The following ANKS1A variants were observed in gnomAD, a reference collection of about 807,000 sequenced individuals.
ANKS1A encodes ankyrin repeat and sterile alpha motif domain containing 1A.
ANKS1A carries 55 observed loss-of-function variants against 120.3 expected under a neutral mutation model. The observed-to-expected ratio is 0.46, with a 90% CI of 0.37 to 0.57. ANKS1A has a LOEUF of 0.57. Ranked by LOEUF, ANKS1A falls within the 20% of genes least tolerant of loss-of-function variation. The pLI is 0.00. For synonymous variants in ANKS1A, 590 were observed against 604.7 expected (o/e 0.98, Z 0.36); for missense variants, 1,123 against 1,480.3 (o/e 0.76, Z 3.96).
chr6:34,909,496 A>G (rs187175277), intron 1 of ANKS1A, among the ~76,000 whole-genome samples: 2 of 152,364 alleles, frequency 1.3e-5, no homozygotes, highest in South Asian at 4.1e-4. Context: ...TTAAATGGTC[A>G]AGAGCTTTTA....
chr6:34,916,302 A>G (rs1378228841), intron 1 of ANKS1A, among the ~76,000 whole-genome samples: 2 of 152,142 alleles, frequency 1.3e-5, no homozygotes, highest in African/African-American at 4.8e-5. Context: ...CCATGTCTGC[A>G]TCTTACTTGT....
chr6:34,912,269 T>A (rs942827395), intron 1 of ANKS1A, among the ~76,000 whole-genome samples: 22 of 152,266 alleles, frequency 1.4e-4, no homozygotes, highest in African/African-American at 5.1e-4. Flanking sequence ...TTGTTGGTTC[T>A]CCAGCATCTG....
At chr6:35,067,382 G>C (rs1776827961) in intron 13 of ANKS1A, among the ~76,000 whole-genome samples, 1 of 152,196 alleles carries the variant, frequency 6.6e-6, no homozygotes, top group South Asian at 2.1e-4. Flanking sequence ...CCAGAAACCT[G>C]TTGTGTGTTT....
Position 35,086,396 on chromosome 6 carries a change from G to A in ANKS1A, c.3303+460G>A. 5.4e-6 allele frequency: 7 copies of A among 1,287,774 alleles called. No homozygotes were observed. Among genetic ancestry groups the A allele is most frequent in the Non-Finnish European group, 5.1e-6 (5 of 986,138 alleles). 79.8% of individuals were successfully genotyped at this position (1,287,774 alleles called of 1,614,324 possible). On this transcript the variant is annotated intron_variant, in intron 22 of 23. Transcript: ENST00000360359. The surrounding 1 kb of genome is among the most constrained non-coding windows in gnomAD (Gnocchi z 5.1). ...CTTTACGCCTCCTGCTGTCTTGTGT[G>A]TCAGTCTCCCCGAAGTGACCGTGAG...
At chr6:34,901,876 A>G (rs1266955492) in intron 1 of ANKS1A, among the ~76,000 whole-genome samples, 1 of 152,210 alleles carries the variant, frequency 6.6e-6, no homozygotes, top group Non-Finnish European at 1.5e-5. Flanking sequence ...ATGGCTACCA[A>G]AAAGACGTCT....
intron 3 of ANKS1A, among the ~76,000 whole-genome samples, chr6:34,978,139 G>A (rs1447051335): frequency 6.6e-6 from 1 of 151,894 alleles, no homozygotes; most frequent in Non-Finnish European, 1.5e-5. Context: ...TTGTATTTTT[G>A]GTGGAGACAG....
chr6:34,963,715 T>C (rs1034373474), intron 1 of ANKS1A, among the ~76,000 whole-genome samples: 10 of 152,226 alleles, frequency 6.6e-5, no homozygotes, highest in Admixed American at 4.6e-4. Flanking sequence ...TAAATGGCTG[T>C]ACTAATTTTT....
chr6:34,941,494 CT>C lies in ANKS1A; in HGVS notation c.198-25744del, dbSNP rs912393277. 2.6e-5 allele frequency among the ~76,000 whole-genome samples: 4 copies of C among 151,956 alleles called. No individual in the cohort carries two copies. The South Asian group carries it at 8.3e-4, about 32-fold the overall frequency. ...TGTTGCCTAGGCTGGTCTTGAACTC[CT>C]AGGCTCAAGCAATCCTCCCACCTCG... On this transcript the variant is annotated intron_variant, in intron 1 of 23. Coordinates refer to ENST00000360359, the MANE Select transcript of ANKS1A (RefSeq NM_015245.3).
chr6:34,917,717 C>T (rs1325599370), intron 1 of ANKS1A, among the ~76,000 whole-genome samples: 2 of 152,160 alleles, frequency 1.3e-5, no homozygotes, highest in African/African-American at 2.4e-5. Context: ...GCTCACTGGC[C>T]TCTTCTCCGG....
chr6:35,069,080 T>C (rs1307401022), intron 13 of ANKS1A, among the ~76,000 whole-genome samples: 2 of 152,130 alleles, frequency 1.3e-5, no homozygotes, highest in African/African-American at 4.8e-5. Flanking sequence ...CCCTGGGCTC[T>C]CCAGGACAGA....
intron 1 of ANKS1A, among the ~76,000 whole-genome samples, chr6:34,900,777 T>C (rs12176092): frequency 0.08 from 12,180 of 151,984 alleles, 681 homozygotes; most frequent in East Asian, 0.33. Context: ...GACTTCTTCC[T>C]TTTACCCAAG....
Position 35,089,623 on chromosome 6 carries a change from G to A in ANKS1A, c.*1014G>A, listed in dbSNP as rs1778192945. 2.0e-5 allele frequency: 20 copies of A among 986,658 alleles called. No homozygotes were observed. The highest frequency in any genetic ancestry group is 2.3e-5 in the Non-Finnish European group (19 of 830,628). The allele number at this position is 986,658 out of a possible 1,614,324, so 61.1% of individuals were successfully genotyped here. On this transcript the variant is annotated 3_prime_UTR_variant, in exon 24 of 24. Coordinates refer to ENST00000360359, the MANE Select transcript of ANKS1A (RefSeq NM_015245.3). The stretch of plus-strand genomic sequence containing the variant: ...GCTGCTGGGCCCATCCCTGGCCCCC[G>A]GTGTGGAAAAGGCTAAATAAGGTGA...
intron 10 of ANKS1A, among the ~76,000 whole-genome samples, chr6:34,997,489 C>T (rs1386684198): frequency 6.6e-6 from 1 of 152,148 alleles, no homozygotes; most frequent in East Asian, 1.9e-4. Flanking sequence ...AGGCACCAAG[C>T]CTGGCCATAT....
At chr6:34,934,482 GT>G (rs1167042017) in intron 1 of ANKS1A, among the ~76,000 whole-genome samples, 1 of 152,170 alleles carries the variant, frequency 6.6e-6, no homozygotes, top group Non-Finnish European at 1.5e-5. Flanking sequence ...GGTGAAATTG[GT>G]TTTTTAGTCA....
chr6:34,917,859 A>G (rs980289184), intron 1 of ANKS1A, among the ~76,000 whole-genome samples: 1 of 152,228 alleles, frequency 6.6e-6, no homozygotes, highest in Non-Finnish European at 1.5e-5. Flanking sequence ...AGCAGCTTCC[A>G]GAACTCTGGG....
chr6:35,056,375 G>A (rs1277712340), intron 12 of ANKS1A, among the ~76,000 whole-genome samples: 5 of 152,158 alleles, frequency 3.3e-5, no homozygotes, highest in African/African-American at 1.2e-4. Context: ...TGCAAGCTCC[G>A]CCTCCCGGGT....
intron 1 of ANKS1A, among the ~76,000 whole-genome samples, chr6:34,898,256 G>A (rs1225467345): frequency 6.6e-6 from 1 of 152,114 alleles, no homozygotes; most frequent in Non-Finnish European, 1.5e-5. Flanking sequence ...AAACTATGAA[G>A]AGTCCCATAG....
intron 8 of ANKS1A, among the ~76,000 whole-genome samples, chr6:34,986,144 A>G (rs1772188989): frequency 6.6e-6 from 1 of 152,242 alleles, no homozygotes; most frequent in African/African-American, 2.4e-5. Context: ...AATTTATTGA[A>G]TACTGCACTG....
In ANKS1A at chr6:35,058,836, G is replaced by A. The variant is rs1468446691; in HGVS notation, c.2078-1311G>A. ...AGAACATCCAAGGTCTGCCAGAAAG[G>A]GCTGAACTTCTGTCCTCCCTGCACC... is the stretch of plus-strand genomic sequence containing the variant. On this transcript the variant is annotated intron_variant, in intron 12 of 23. Coordinates refer to ENST00000360359, the MANE Select transcript of ANKS1A (RefSeq NM_015245.3). This position sits in a 1 kb window ranked among gnomAD's most constrained non-coding sequence, Gnocchi z 5.1. Among the ~76,000 whole-genome samples the A allele has an allele frequency of 6.6e-6, 1 of 152,152 alleles. No homozygotes were observed. Among genetic ancestry groups the A allele is most frequent in the Non-Finnish European group, 1.5e-5 (1 of 68,024 alleles).
Sources: gnomAD v4.1 joint callset for allele counts (sites outside exome capture counted in the v4.1 genomes callset) on GRCh38, gnomAD v4.1.1 for gene constraint, Gnocchi (gnomAD v3.1) non-coding constraint, MANE v1.5 for transcripts, NCBI Gene and HGNC (gene_info 2026-07-23, HGNC 2026-07-21) for gene names.